The following PSEN1 variants were observed in gnomAD, a reference collection of about 807,000 sequenced individuals.
PSEN1 encodes the protein presenilin-1.
A neutral mutation model predicts 53.5 loss-of-function variants in PSEN1; 15 were observed. The ratio of observed to expected loss-of-function variants is 0.28; its 90% CI spans 0.19 to 0.43. The LOEUF (loss-of-function observed/expected upper bound fraction) is 0.43. PSEN1 is among the 20% of genes least tolerant of loss of function. The pLI is 1.00. For synonymous variants in PSEN1, 208 were observed against 209.8 expected (o/e 0.99, Z 0.08); for missense variants, 387 against 571.2 (o/e 0.68, Z 3.29).
intron 7 of PSEN1, 88 bp from the exon 8 acceptor site, chr14:73,197,943 T>C: frequency 1.3e-6 from 1 of 749,684 alleles, no homozygotes; most frequent in South Asian, 1.5e-5. Flanking sequence ...CATTAAACTT[T>C]TTTCCTTCGT....
At chr14:73,204,153 C>T (rs1164611196) in intron 8 of PSEN1, among the ~76,000 whole-genome samples, 1 of 152,080 alleles carries the variant, frequency 6.6e-6, no homozygotes, top group Non-Finnish European at 1.5e-5. Context: ...CATGCACCAC[C>T]ACACCGGGCT....
chr14:73,163,809 G>C (rs1156990841), intron 3 of PSEN1, among the ~76,000 whole-genome samples: 1 of 152,170 alleles, frequency 6.6e-6, no homozygotes, highest in African/African-American at 2.4e-5. Flanking sequence ...TTTGTGGTCA[G>C]AGCAAGGACC....
rs1320395545 is a variant in PSEN1, at chr14:73,223,122, G to T, written c.*3833G>T. 6.6e-6 allele frequency: 1 copy of T among 152,176 alleles called. No homozygotes were observed. Among genetic ancestry groups the T allele is most frequent in the East Asian group, 1.9e-4 (1 of 5,202 alleles). The allele number at this position is 152,176 out of a possible 1,614,324, so 9.4% of individuals were successfully genotyped here. On this transcript the variant is annotated 3_prime_UTR_variant, in exon 12 of 12. Coordinates refer to ENST00000324501, the MANE Select transcript of PSEN1 (RefSeq NM_000021.4). ...GAGTGTACCAACAAAGCTGTCATCG[G>T]GCTCACAGCTCAGAGACATCTGCAT...
intron 5 of PSEN1, among the ~76,000 whole-genome samples, chr14:73,185,052 G>C (rs1431758755): frequency 1.3e-5 from 2 of 152,096 alleles, no homozygotes; most frequent in Non-Finnish European, 2.9e-5. Context: ...TGTGATGGCA[G>C]CCGGGCAGAG....
chr14:73,139,520 CA>C (rs1180881785), intron 1 of PSEN1: 1 of 151,700 alleles, frequency 6.6e-6, no homozygotes, highest in African/African-American at 2.4e-5. Context: ...GTGGAGGTTG[CA>C]GTGAGCCGAG....
rs554783173 is a variant in PSEN1 at position 73,206,438 on chromosome 14, G to C, written c.921G>C (p.Arg307Ser). ...NMAEGDPEAQ[R>S]RVSKNSKYNA... ...CAGAAGGAGACCCGGAAGCTCAAAG[G>C]AGAGTATCCAAAAATTCCAAGTATA... Residue 307 changes from arginine (R) to serine (S), a missense_variant, in exon 9 of 12, where the codon AGG (arginine) becomes AGC (serine). Physicochemically the swap from Arg to Ser is moderately radical, Grantham distance 110. Coordinates refer to ENST00000324501, the MANE Select transcript of PSEN1 (RefSeq NM_000021.4). The C allele has an allele frequency of 6.2e-7, 1 of 1,614,024 alleles. No homozygotes were observed. The highest frequency in any genetic ancestry group is 1.3e-5 in the African/African-American group (1 of 75,036).
intron 8 of PSEN1, among the ~76,000 whole-genome samples, chr14:73,201,119 T>C (rs1046028475): frequency 4.6e-5 from 7 of 151,920 alleles, no homozygotes; most frequent in Non-Finnish European, 5.9e-5. Context: ...GGCAGAGTCT[T>C]GCTGTGTCGC....
intron 1 of PSEN1, among the ~76,000 whole-genome samples, chr14:73,146,347 C>T (rs1897071638): frequency 6.6e-6 from 1 of 152,060 alleles, no homozygotes; most frequent in Non-Finnish European, 1.5e-5. Context: ...CCCACCTGCA[C>T]CCAGCTAATT....
At chr14:73,165,820 G>C (rs1196894496) in intron 3 of PSEN1, among the ~76,000 whole-genome samples, 1 of 151,654 alleles carries the variant, frequency 6.6e-6, no homozygotes, top group African/African-American at 2.4e-5. Flanking sequence ...CATTTTGTGA[G>C]GCCAAGGTGG....
At position 73,220,744 on chromosome 14, in the gene PSEN1, G is replaced by A. The variant is rs1301589382; in HGVS notation, c.*1455G>A. ...CTCTCAATGTACCTTTGTGTGAACT[G>A]GGCAGTGGAGGTGCCTGCTGCAGTT... On this transcript the variant is annotated 3_prime_UTR_variant, in exon 12 of 12. Transcript: ENST00000324501. 3 of 152,202 alleles carry A rather than the reference G, an allele frequency of 2.0e-5. No individual in the cohort carries two copies. Among genetic ancestry groups the A allele is most frequent in the Admixed American group, 1.3e-4 (2 of 15,276 alleles). 9.4% of individuals were successfully genotyped at this position (152,202 alleles called of 1,614,324 possible).
In PSEN1 at chr14:73,211,933, C is replaced by T; in HGVS notation, c.1120C>T (p.Pro374Ser). ...CAGCAGTATCCTCGCTGGTGAAGAC[C>T]CAGAGGAAAGTATGTGCATTTCTCT... ...LSSSILAGED[P>S]EERGVKLGLG... Residue 374 changes from proline (P) to serine (S), a missense_variant, in exon 10 of 12, where the codon CCA becomes TCA. Around this residue, in one of 4 missense-constraint regions of PSEN1, gnomAD observed 75 missense variants for 63.7 expected, o/e 1.18. Transcript: ENST00000324501. 1 of 1,613,544 alleles carries T rather than the reference C, an allele frequency of 6.2e-7. No individual in the cohort carries two copies. The highest frequency in any genetic ancestry group is 8.5e-7 in the Non-Finnish European group (1 of 1,179,826).
chr14:73,187,555 C>CT (rs1172280821), intron 6 of PSEN1, among the ~76,000 whole-genome samples: 1 of 152,070 alleles, frequency 6.6e-6, no homozygotes, highest in Admixed American at 6.6e-5. Context: ...ATATGAGAAT[C>CT]TATGTGAAAT....
chr14:73,179,716 A>G (rs1286244552), intron 5 of PSEN1, among the ~76,000 whole-genome samples: 1 of 152,198 alleles, frequency 6.6e-6, no homozygotes, highest in African/African-American at 2.4e-5. Flanking sequence ...TGGAGCTCCC[A>G]TTGTCTTGCT....
At position 73,173,590 on chromosome 14, in the gene PSEN1, T is replaced by C; in HGVS notation, c.363T>C (p.Asp121=). ...GAATCTATACCCCATTCACAGAAGA[T>C]ACCGAGACTGTGGGCCAGAGAGCCC... ...GQLIYTPFTE[D]TETVGQRALH... The change falls in exon 5 of 12, where the codon GAT becomes GAC. Residue 121 remains aspartate (D), a synonymous_variant. Coordinates refer to ENST00000324501, the MANE Select transcript of PSEN1 (RefSeq NM_000021.4). The C allele has an allele frequency of 6.2e-7, 1 of 1,614,146 alleles. No individual in the cohort carries two copies. Among genetic ancestry groups the C allele is most frequent in the Non-Finnish European group, 8.5e-7 (1 of 1,179,970 alleles).
At chr14:73,200,982 C>T (rs183157073) in intron 8 of PSEN1, among the ~76,000 whole-genome samples, 38 of 152,124 alleles carry the variant, frequency 2.5e-4, no homozygotes, top group Non-Finnish European at 2.9e-5. Context: ...ACCCAGGAGG[C>T]GGAGGTTACA....
rs398043836 is a variant in PSEN1 at position 73,212,088 on chromosome 14, C to CT, written c.1129+187dup. On this transcript the variant is annotated intron_variant, in intron 10 of 11. Transcript: ENST00000324501. Reference sequence around the variant, plus strand: ...TTATTTGGATATATCAGTAATAGTGCTTTTTTTTTTTTTTTTTTTTTTTTT... The same window carrying CT: ...TTATTTGGATATATCAGTAATAGTGCTTTTTTTTTTTTTTTTTTTTTTTTTT... 52 of 70,574 alleles carry CT rather than the reference C, an allele frequency of 7.4e-4. 19 individuals are homozygous for CT. The highest frequency in any genetic ancestry group is 9.2e-4 in the Non-Finnish European group (35 of 37,892). The allele number at this position is 70,574 out of a possible 1,614,324, so 4.4% of individuals were successfully genotyped here.
chr14:73,192,205 A>T (rs1898748214), intron 6 of PSEN1, among the ~76,000 whole-genome samples: 1 of 152,158 alleles, frequency 6.6e-6, no homozygotes, highest in Non-Finnish European at 1.5e-5. Flanking sequence ...TGGGAGGCTG[A>T]GACGGGTGGA....
chr14:73,220,245 G>A lies in PSEN1; in HGVS notation c.*956G>A, dbSNP rs1900089449. 1 of 152,402 alleles carries A rather than the reference G, an allele frequency of 6.6e-6. No homozygotes were observed. The highest frequency in any genetic ancestry group is 2.4e-5 in the African/African-American group (1 of 41,430). The allele number at this position is 152,402 out of a possible 1,614,324, so 9.4% of individuals were successfully genotyped here. A position where few individuals can be genotyped will look rare whatever the true frequency, so the allele number is the denominator to read the frequency against. On this transcript the variant is annotated 3_prime_UTR_variant, in exon 12 of 12. Coordinates refer to ENST00000324501, the MANE Select transcript of PSEN1 (RefSeq NM_000021.4). ...GTAAGGCAGCTCTGTCGTGGTAGCA[G>A]ATGGTCCCATTATTCTAGGGTCTTA...
At chr14:73,194,249 T>TC (rs1566643045) in intron 7 of PSEN1, among the ~76,000 whole-genome samples, 1 of 151,494 alleles carries the variant, frequency 6.6e-6, no homozygotes, top group Non-Finnish European at 1.5e-5. Flanking sequence ...CTTTTTTTTT[T>TC]CTTTTTGTTT....
Sources: gnomAD v4.1 joint callset for allele counts (sites outside exome capture counted in the v4.1 genomes callset) on GRCh38, gnomAD v4.1.1 for gene constraint, gnomAD v4.1.1 regional missense constraint, MANE v1.5 for transcripts, NCBI Gene and HGNC (gene_info 2026-07-23, HGNC 2026-07-21) for gene names.